CCDC170: variants seen among roughly 807,000 people sequenced by gnomAD.
CCDC170 encodes coiled-coil domain containing 170.
Under a neutral mutation model 72.6 loss-of-function variants are expected in CCDC170, and 69 were observed. The observed-to-expected ratio is 0.95, with a 90% CI of 0.78 to 1.16. The LOEUF is 1.16. Ranked by LOEUF, CCDC170 falls within the 50% of genes most tolerant of loss-of-function variation. The pLI is 0.00. For missense variants in CCDC170, 852 were observed against 832.5 expected (o/e 1.02, Z -0.29); for synonymous variants, 300 against 303.9 (o/e 0.99, Z 0.13).
Position 151,575,560 on chromosome 6 carries a change from C to T in CCDC170, c.1092+2069C>T, listed in dbSNP as rs561995514. On this transcript the variant is annotated intron_variant, in intron 6 of 10. Coordinates refer to ENST00000239374, the MANE Select transcript of CCDC170 (RefSeq NM_025059.4). ...TTTTTTTTTTTTTGAGATGGAGTCT[C>T]GCTCTGTCACCCAGGCCAGAGTGCA... Among the ~76,000 whole-genome samples, 279 of 99,036 alleles carry T rather than the reference C, an allele frequency of 2.8e-3. 1 individual carries two copies. The highest frequency in any genetic ancestry group is 0.014 in the Middle Eastern group (1 of 72). The allele number at this position is 99,036 out of a possible 152,430, so 65.0% of individuals were successfully genotyped here.
intron 9 of CCDC170, among the ~76,000 whole-genome samples, chr6:151,611,864 C>T (rs1418347371): frequency 6.6e-6 from 1 of 152,056 alleles, no homozygotes; most frequent in Non-Finnish European, 1.5e-5. Flanking sequence ...GCCCCCGCCA[C>T]CACAACCAGC....
intron 9 of CCDC170, among the ~76,000 whole-genome samples, chr6:151,610,259 CTT>C (rs1166978957): frequency 6.6e-6 from 1 of 152,142 alleles, no homozygotes; most frequent in Non-Finnish European, 1.5e-5. Context: ...GCTTATGTAA[CTT>C]ATAATTATGT....
chr6:151,596,272 AACTCATT>A, intron 8 of CCDC170, 56 bp from the exon 9 acceptor site: 1 of 1,479,168 alleles, frequency 6.8e-7, no homozygotes, highest in Non-Finnish European at 9.0e-7. Flanking sequence ...TTATCTGGGT[AACTCATT>A]TATATTTACT....
intron 6 of CCDC170, among the ~76,000 whole-genome samples, chr6:151,579,806 G>A (rs1245143592): frequency 6.6e-6 from 1 of 152,214 alleles, no homozygotes; most frequent in Non-Finnish European, 1.5e-5. Context: ...CAGTAACCCT[G>A]ATGACGGAAA....
At chr6:151,614,092 CT>C (rs926105089) in intron 9 of CCDC170, among the ~76,000 whole-genome samples, 1 of 151,872 alleles carries the variant, frequency 6.6e-6, no homozygotes, top group Non-Finnish European at 1.5e-5. Context: ...GCTTCAAATT[CT>C]TTTTTTTATT....
intron 3 of CCDC170, 39 bp from the exon 4 acceptor site, chr6:151,544,533 T>C (rs564409599): frequency 2.2e-5 from 34 of 1,575,758 alleles, no homozygotes; most frequent in Non-Finnish European, 2.2e-5. Context: ...TTATCTTCCA[T>C]GGTGTTAAAT....
At chr6:151,597,694 A>C (rs937218559) in intron 9 of CCDC170, among the ~76,000 whole-genome samples, 3 of 152,244 alleles carry the variant, frequency 2.0e-5, no homozygotes, top group Admixed American at 2.0e-4. Context: ...ACTTCTAACG[A>C]AGGCAGAGCA....
At chr6:151,508,628 G>A (rs1782098109) in intron 1 of CCDC170, among the ~76,000 whole-genome samples, 1 of 151,960 alleles carries the variant, frequency 6.6e-6, no homozygotes, top group South Asian at 2.1e-4. Flanking sequence ...CACAAGAATT[G>A]CTTGAACCCA....
intron 1 of CCDC170, 50 bp from the exon 2 acceptor site, chr6:151,536,268 A>C: frequency 6.3e-7 from 1 of 1,598,232 alleles, no homozygotes; most frequent in Admixed American, 1.7e-5. Context: ...CACGGAAAAG[A>C]TCGTTTAACA....
At chr6:151,567,818 T>C (rs112478029) in intron 5 of CCDC170, among the ~76,000 whole-genome samples, 2,812 of 151,916 alleles carry the variant, frequency 0.019, 99 homozygotes, top group African/African-American at 0.064. Flanking sequence ...CATTCAAAAA[T>C]GGAGTATAGG....
At chr6:151,548,985 C>T (rs769087819) in intron 5 of CCDC170, among the ~76,000 whole-genome samples, 21 of 152,126 alleles carry the variant, frequency 1.4e-4, no homozygotes, top group Non-Finnish European at 2.8e-4. Context: ...GCTGAAGCTC[C>T]GCCACCCTGG....
chr6:151,607,036 G>GT (rs1425927119), intron 9 of CCDC170, among the ~76,000 whole-genome samples: 2 of 151,964 alleles, frequency 1.3e-5, no homozygotes, highest in East Asian at 1.9e-4. Flanking sequence ...ATATAGTTGA[G>GT]TTTTTAAAAA....
intron 1 of CCDC170, among the ~76,000 whole-genome samples, chr6:151,533,542 C>T (rs373099824): frequency 2.0e-5 from 3 of 151,884 alleles, no homozygotes; most frequent in African/African-American, 7.2e-5. Context: ...TGGCACATGC[C>T]TGTAATCCCA....
chr6:151,503,155 G>A (rs770932018), intron 1 of CCDC170, among the ~76,000 whole-genome samples: 10 of 152,148 alleles, frequency 6.6e-5, no homozygotes, highest in African/African-American at 1.2e-4. Flanking sequence ...CTGGCCTGGC[G>A]ACAGGGCGAG....
intron 9 of CCDC170, among the ~76,000 whole-genome samples, chr6:151,612,949 GTCTTTGTTT>G: frequency 9.9e-6 from 1 of 101,390 alleles, no homozygotes; most frequent in Non-Finnish European, 2.0e-5. Flanking sequence ...AGCTGTACTG[GTCTTTGTTT>G]GCTTTGTTTG....
In CCDC170 at chr6:151,562,501, G is replaced by C. The variant is rs545438646; in HGVS notation, c.775-10673G>C. On this transcript the variant is annotated intron_variant, in intron 5 of 10. Transcript: ENST00000239374. ...AGTGCTGTATATGTTCCTTGGTTGT[G>C]GATAGCTTCTGTGTGGTGGCTTTAT... 8.5e-5 allele frequency among the ~76,000 whole-genome samples: 13 copies of C among 152,260 alleles called. No homozygotes were observed. The South Asian group carries it at 2.7e-3, about 32-fold the overall frequency.
At chr6:151,579,820 A>C (rs112294604) in intron 6 of CCDC170, among the ~76,000 whole-genome samples, 126 of 152,354 alleles carry the variant, frequency 8.3e-4, no homozygotes, top group African/African-American at 2.9e-3. Flanking sequence ...ACGGAAATGG[A>C]CACGATGTGT....
At chr6:151,555,125 A>G (rs71549129) in intron 5 of CCDC170, among the ~76,000 whole-genome samples, 23,639 of 151,576 alleles carry the variant, frequency 0.16, 2,241 homozygotes, top group East Asian at 0.45. Context: ...CTCGTGGTCC[A>G]CCTGCCTCGG....
chr6:151,581,712 A>G (rs1210095738), intron 6 of CCDC170, among the ~76,000 whole-genome samples: 1 of 152,224 alleles, frequency 6.6e-6, no homozygotes, highest in Non-Finnish European at 1.5e-5. Flanking sequence ...CTTATGAAGT[A>G]TATTTCTTAC....
Sources: allele counts gnomAD v4.1 joint callset (sites outside exome capture counted in the v4.1 genomes callset), GRCh38; gene constraint gnomAD v4.1.1; transcripts MANE v1.5; gene names NCBI Gene and HGNC (gene_info 2026-07-23, HGNC 2026-07-21).